The following LMBRD1 variants were observed in gnomAD, a reference collection of about 807,000 sequenced individuals.
LMBRD1 encodes the protein LMBR1 domain containing 1, also known as lysosomal cobalamin transport escort protein LMBD1.
In LMBRD1, 64 loss-of-function variants were observed where a neutral mutation model predicts 74.8. That is an observed-to-expected ratio of 0.86 (90% CI 0.70 to 1.05). The LOEUF (loss-of-function observed/expected upper bound fraction) is 1.05. Ranked by LOEUF, LMBRD1 falls within the 50% of genes least tolerant of loss-of-function variation. LMBRD1 has a pLI of 0.00. For synonymous variants in LMBRD1, 204 were observed against 216.3 expected (o/e 0.94, Z 0.50); for missense variants, 652 against 645.9 (o/e 1.01, Z -0.10).
intron 7 of LMBRD1, 53 bp from the exon 8 acceptor site, chr6:69,719,134 A>G: frequency 6.5e-7 from 1 of 1,549,502 alleles, no homozygotes; most frequent in Non-Finnish European, 8.8e-7. Context: ...AACATATTAT[A>G]CACAATTTTA....
intron 3 of LMBRD1, among the ~76,000 whole-genome samples, chr6:69,774,004 G>C (rs6932431): frequency 0.016 from 2,406 of 152,268 alleles, 50 homozygotes; most frequent in African/African-American, 0.054. Context: ...CTGAAAACTA[G>C]TGTCAAGAGA....
At chr6:69,687,343 C>T (rs933909385) in intron 14 of LMBRD1, among the ~76,000 whole-genome samples, 1 of 152,164 alleles carries the variant, frequency 6.6e-6, no homozygotes, top group African/African-American at 2.4e-5. Flanking sequence ...TTATTTTTCT[C>T]CATAATACTT....
chr6:69,780,947 G>A (rs1298432244), intron 2 of LMBRD1, among the ~76,000 whole-genome samples: 1 of 152,146 alleles, frequency 6.6e-6, no homozygotes, highest in African/African-American at 2.4e-5. Flanking sequence ...ATTAAATTGA[G>A]CTTTTGGAAA....
chr6:69,699,130 A>C lies in LMBRD1; in HGVS notation c.1251T>G (p.Leu417=), dbSNP rs768980372. ...AGCTAGTGTGAAGGACAATAAGCAG[A>C]AGTATCATGCAGAGAAAAAGGAGTG... ...PQALLFLCMI[L]LLIVLHTSYM... is the part of the protein sequence containing the mutation. Residue 417 remains leucine, a synonymous_variant, in exon 13 of 16, where the codon CTT becomes CTG. Coordinates refer to ENST00000649934, the MANE Select transcript of LMBRD1 (RefSeq NM_018368.4). The C allele has an allele frequency of 6.2e-7, 1 of 1,610,784 alleles. No individual in the cohort carries two copies. The highest frequency in any genetic ancestry group is 8.5e-7 in the Non-Finnish European group (1 of 1,177,294).
In LMBRD1 at chr6:69,753,599, A is replaced by T. The variant is rs575594267; in HGVS notation, c.308-1243T>A. On this transcript the variant is annotated intron_variant, in intron 3 of 15. Coordinates refer to ENST00000649934, the MANE Select transcript of LMBRD1 (RefSeq NM_018368.4). Reference sequence around the variant, plus strand: ...CTACTTCCAGGTGTATGCACACAAGAGTTGAAAACAGACTCTCGAAGAGTT... The same window carrying T: ...CTACTTCCAGGTGTATGCACACAAGTGTTGAAAACAGACTCTCGAAGAGTT... Among the ~76,000 whole-genome samples, 7 of 152,330 alleles carry T rather than the reference A, an allele frequency of 4.6e-5. No individual in the cohort carries two copies. In the South Asian group the frequency reaches 1.5e-3, roughly 32 times the overall value.
intron 7 of LMBRD1, among the ~76,000 whole-genome samples, chr6:69,736,921 T>G (rs1766989849): frequency 6.6e-6 from 1 of 152,310 alleles, no homozygotes; most frequent in East Asian, 1.9e-4. Context: ...TGATATTAGA[T>G]GACAAGTTCC....
chr6:69,686,117 G>A (rs1256763501), intron 14 of LMBRD1, among the ~76,000 whole-genome samples: 1 of 152,138 alleles, frequency 6.6e-6, no homozygotes, highest in African/African-American at 2.4e-5. Flanking sequence ...ACTTAAGTCA[G>A]TATAGTCCAA....
rs1490583902 is a variant in LMBRD1 at position 69,766,143 on chromosome 6, TTTAA to T, written c.308-13791_308-13788del. Among the ~76,000 whole-genome samples, 7 of 151,628 alleles carry T rather than the reference TTTAA, an allele frequency of 4.6e-5. No individual in the cohort carries two copies. In the East Asian group the frequency reaches 5.8e-4, roughly 13 times the overall value. On this transcript the variant is annotated intron_variant, in intron 3 of 15. Transcript: ENST00000649934. The stretch of plus-strand genomic sequence containing the variant: ...ATTAATATTTAAGTAAATTTATTCA[TTTAA>T]TTATTTATTTATTTATTTAGACTTA...
intron 3 of LMBRD1, among the ~76,000 whole-genome samples, chr6:69,768,904 A>G (rs1168588506): frequency 3.3e-5 from 5 of 151,898 alleles, no homozygotes; most frequent in African/African-American, 1.2e-4. Flanking sequence ...TCACATTAGA[A>G]GTTAGTCACT....
At chr6:69,772,282 C>T (rs368721254) in intron 3 of LMBRD1, among the ~76,000 whole-genome samples, 14 of 151,938 alleles carry the variant, frequency 9.2e-5, no homozygotes, top group East Asian at 1.9e-4. Flanking sequence ...AGGATTAACC[C>T]GTGGGACATA....
At chr6:69,782,864 G>A (rs1421167703) in intron 2 of LMBRD1, among the ~76,000 whole-genome samples, 3 of 151,994 alleles carry the variant, frequency 2.0e-5, no homozygotes, top group East Asian at 1.9e-4. Flanking sequence ...ATTGGTTTTG[G>A]GCCAAGAGTC....
intron 14 of LMBRD1, among the ~76,000 whole-genome samples, chr6:69,685,821 A>C (rs550217074): frequency 6.6e-6 from 1 of 152,042 alleles, no homozygotes; most frequent in African/African-American, 2.4e-5. Context: ...AACAAACAAA[A>C]ACACACACAC....
At chr6:69,704,315 G>A (rs946107398) in intron 9 of LMBRD1, among the ~76,000 whole-genome samples, 2 of 151,978 alleles carry the variant, frequency 1.3e-5, no homozygotes, top group Non-Finnish European at 2.9e-5. Flanking sequence ...TTTGTCAAAT[G>A]CTGGTTTTCT....
At chr6:69,712,481 C>T (rs1311278870) in intron 9 of LMBRD1, among the ~76,000 whole-genome samples, 3 of 150,918 alleles carry the variant, frequency 2.0e-5, no homozygotes, top group South Asian at 2.1e-4. Context: ...ACAGTTTTAA[C>T]AACCCATACA....
chr6:69,796,735 G>A, intron 1 of LMBRD1, 78 bp downstream of exon 1: 1 of 1,381,466 alleles, frequency 7.2e-7, no homozygotes, highest in African/African-American at 1.4e-5. Flanking sequence ...CCGGGGCCCG[G>A]AGAGGCCAAC....
chr6:69,777,959 T>C (rs189412651), intron 3 of LMBRD1, among the ~76,000 whole-genome samples: 1 of 152,238 alleles, frequency 6.6e-6, no homozygotes, highest in Non-Finnish European at 1.5e-5. Context: ...AAGAAACAGC[T>C]GAGCTTCAGG....
intron 1 of LMBRD1, 196 bp from the exon 2 acceptor site, chr6:69,790,668 C>A: frequency 1.7e-6 from 1 of 596,832 alleles, no homozygotes; most frequent in South Asian, 1.9e-5. Context: ...TGCAGTACAT[C>A]ACGTATGCAT....
intron 8 of LMBRD1, among the ~76,000 whole-genome samples, chr6:69,714,270 C>T (rs34248749): frequency 1.6e-3 from 244 of 152,048 alleles, no homozygotes; most frequent in Non-Finnish European, 2.5e-3. Flanking sequence ...TGAAGCAACA[C>T]AAGCACAGAT....
chr6:69,681,559 T>C (rs994554739), intron 14 of LMBRD1, among the ~76,000 whole-genome samples: 25 of 151,992 alleles, frequency 1.6e-4, no homozygotes, highest in Admixed American at 6.6e-4. Context: ...AACCTTCACT[T>C]GAAATCAATT....
Sources: allele counts gnomAD v4.1 joint callset (sites outside exome capture counted in the v4.1 genomes callset), GRCh38; gene constraint gnomAD v4.1.1; transcripts MANE v1.5; gene names NCBI Gene and HGNC (gene_info 2026-07-23, HGNC 2026-07-21).